The following DCP2 variants were observed in gnomAD, a reference collection of about 807,000 sequenced individuals.
DCP2 encodes the protein m7GpppN-mRNA hydrolase.
In DCP2, 30 loss-of-function variants were observed where a neutral mutation model predicts 56.1. That is an observed-to-expected ratio of 0.53 (90% CI 0.40 to 0.73). The LOEUF is 0.73. DCP2 is among the 30% of genes least tolerant of loss of function. The pLI, the probability that DCP2 is intolerant of heterozygous loss-of-function variation, is 0.00. For missense variants in DCP2, 533 were observed against 502.7 expected (o/e 1.06, Z -0.58); for synonymous variants, 197 against 163.3 (o/e 1.21, Z -1.57).
chr5:112,999,092 C>A (rs1188982695), intron 4 of DCP2, among the ~76,000 whole-genome samples: 1 of 152,070 alleles, frequency 6.6e-6, no homozygotes, highest in Non-Finnish European at 1.5e-5. Context: ...TCAGTACTTT[C>A]TTTTATTAAG....
At chr5:112,977,991 T>A (rs1747800222) in intron 1 of DCP2, among the ~76,000 whole-genome samples, 1 of 152,166 alleles carries the variant, frequency 6.6e-6, no homozygotes, top group Admixed American at 6.5e-5. Context: ...TTGTTTTTAT[T>A]TTTTGAGACG....
chr5:113,005,456 A>T (rs1234783878), intron 8 of DCP2, among the ~76,000 whole-genome samples: 2 of 152,178 alleles, frequency 1.3e-5, no homozygotes, highest in East Asian at 3.8e-4. Flanking sequence ...GTGAGATATC[A>T]CTTCTTACCC....
intron 4 of DCP2, among the ~76,000 whole-genome samples, chr5:112,997,613 C>CTTTTTT (rs555386404): frequency 6.4e-5 from 9 of 140,868 alleles, no homozygotes; most frequent in East Asian, 2.0e-4. Context: ...TTTTCTTTTT[C>CTTTTTT]TTTTTTTTTT....
rs1265158531 is a variant in DCP2, at chr5:113,003,007, CAG to C, written c.807-932_807-931del. Among the ~76,000 whole-genome samples the C allele has an allele frequency of 3.9e-5, 6 of 152,280 alleles. No individual in the cohort carries two copies. The East Asian group carries it at 1.2e-3, about 29-fold the overall frequency. On this transcript the variant is annotated intron_variant, in intron 7 of 10. Coordinates refer to ENST00000389063, the MANE Select transcript of DCP2 (RefSeq NM_152624.6). ...CTGTAATTTGGATTTGCTTTTATGA[CAG>C]AGCTTCAGAAATTAAATAGGAGTAA...
chr5:112,987,914 C>T (rs7733863), intron 2 of DCP2, among the ~76,000 whole-genome samples: 51,217 of 151,732 alleles, frequency 0.34, 9,944 homozygotes, highest in East Asian at 0.59. Flanking sequence ...TAGGTGCTAC[C>T]GCACCTGGCC....
rs370592505 is a variant in DCP2 at position 112,992,386 on chromosome 5, A to C, written c.333+138A>C. The C allele has an allele frequency of 1.9e-4, 227 of 1,181,610 alleles. No homozygotes were observed. In the African/African-American group the frequency reaches 3.4e-3, roughly 18 times the overall value. The allele number at this position is 1,181,610 out of a possible 1,614,324, so 73.2% of individuals were successfully genotyped here. On this transcript the variant is annotated intron_variant, in intron 3 of 10. Transcript: ENST00000389063. ...TTAGTGCTAAAAGGCCAAGCTTTGT[A>C]TATTTTATCCGCATGCTATGTCTGC...
intron 10 of DCP2, 125 bp downstream of exon 10, chr5:113,010,932 T>A: frequency 1.0e-6 from 1 of 988,444 alleles, no homozygotes; most frequent in Non-Finnish European, 1.5e-6. Context: ...ATATGTTCTG[T>A]AGAAAGAGTT....
chr5:113,009,920 C>CTT (rs1561704911), intron 9 of DCP2, among the ~76,000 whole-genome samples: 1 of 134,966 alleles, frequency 7.4e-6, no homozygotes, highest in Non-Finnish European at 1.6e-5. Context: ...TCTTTTTTTT[C>CTT]CTTTTTTTTT....
intron 2 of DCP2, among the ~76,000 whole-genome samples, chr5:112,986,628 G>A (rs1032274605): frequency 1.4e-4 from 21 of 152,222 alleles, no homozygotes; most frequent in Admixed American, 1.2e-3. Context: ...GTGAGCCGCT[G>A]TGCCCAGTGA....
chr5:113,001,989 T>C (rs978739062), intron 7 of DCP2, among the ~76,000 whole-genome samples: 5 of 152,230 alleles, frequency 3.3e-5, no homozygotes. Flanking sequence ...TCTGTTGTCA[T>C]ATCCTACTTT....
chr5:113,006,936 C>T (rs1429522869), intron 8 of DCP2, among the ~76,000 whole-genome samples: 2 of 151,992 alleles, frequency 1.3e-5, no homozygotes, highest in Admixed American at 6.6e-5. Context: ...AGTTTGAAAC[C>T]AGCTTGGCCA....
intron 4 of DCP2, among the ~76,000 whole-genome samples, chr5:112,993,941 T>A (rs1270564428): frequency 6.0e-5 from 9 of 149,920 alleles, no homozygotes; most frequent in African/African-American, 2.2e-4. Flanking sequence ...AGTGGCAACA[T>A]CATAGTTTTA....
At chr5:112,982,264 C>T (rs564584278) in intron 1 of DCP2, among the ~76,000 whole-genome samples, 8 of 152,246 alleles carry the variant, frequency 5.3e-5, no homozygotes, top group African/African-American at 1.7e-4. Context: ...ATCATACTTT[C>T]GACAGAATCC....
chr5:113,012,548 G>A (rs1188384347), intron 10 of DCP2, among the ~76,000 whole-genome samples: 3 of 152,094 alleles, frequency 2.0e-5, no homozygotes, highest in Admixed American at 2.0e-4. Context: ...TCAAGTCCCT[G>A]ATCTGTTTAA....
At chr5:112,991,545 A>G (rs1027187043) in intron 2 of DCP2, among the ~76,000 whole-genome samples, 13 of 152,162 alleles carry the variant, frequency 8.5e-5, no homozygotes, top group Non-Finnish European at 1.6e-4. Flanking sequence ...AGTGTTCTTC[A>G]TTATGGAAAC....
chr5:112,994,296 C>T (rs1379554634), intron 4 of DCP2, among the ~76,000 whole-genome samples: 2 of 151,270 alleles, frequency 1.3e-5, no homozygotes, highest in African/African-American at 4.9e-5. Context: ...CTCAGCCTCC[C>T]AAGTAGTTGG....
intron 1 of DCP2, among the ~76,000 whole-genome samples, chr5:112,982,418 A>G (rs1341435473): frequency 6.6e-6 from 1 of 152,184 alleles, no homozygotes; most frequent in East Asian, 1.9e-4. Context: ...TTTCTTGAAT[A>G]TCATGTTTCA....
Position 113,016,516 on chromosome 5 carries a change from C to T in DCP2, c.*3032C>T, listed in dbSNP as rs911037779. ...GACATATAATGAAAGTAATTTTATGCTGTAAGATTGAATTGGTACTTTTCC... is the reference window on the plus strand; with the variant it reads ...GACATATAATGAAAGTAATTTTATGTTGTAAGATTGAATTGGTACTTTTCC... On this transcript the variant is annotated 3_prime_UTR_variant, in exon 11 of 11. Coordinates refer to ENST00000389063, the MANE Select transcript of DCP2 (RefSeq NM_152624.6). The T allele has an allele frequency of 1.3e-5, 2 of 152,092 alleles. No homozygotes were observed. Among genetic ancestry groups the T allele is most frequent in the Non-Finnish European group, 2.9e-5 (2 of 67,996 alleles). The allele number at this position is 152,092 out of a possible 1,614,324, so 9.4% of individuals were successfully genotyped here.
chr5:112,993,231 TCCCCTCTCCC>T (rs1022174136), intron 4 of DCP2, among the ~76,000 whole-genome samples: 3 of 152,196 alleles, frequency 2.0e-5, no homozygotes, highest in African/African-American at 7.2e-5. Flanking sequence ...TTAAACTCTG[TCCCCTCTCCC>T]CCACACAAAT....
Sources: gnomAD v4.1 joint callset for allele counts (sites outside exome capture counted in the v4.1 genomes callset) on GRCh38, gnomAD v4.1.1 for gene constraint, MANE v1.5 for transcripts, NCBI Gene and HGNC (gene_info 2026-07-23, HGNC 2026-07-21) for gene names.